The following THSD7A variants were observed in gnomAD, a reference collection of about 807,000 sequenced individuals.
THSD7A encodes thrombospondin type 1 domain containing 7A.
Under a neutral mutation model 231.3 loss-of-function variants are expected in THSD7A, and 96 were observed. The observed-to-expected ratio is 0.41, with a 90% CI of 0.35 to 0.49. The LOEUF is 0.49. Among genes scored for constraint, THSD7A ranks in the 20% least tolerant of loss-of-function variants. The pLI is 0.05. For missense variants in THSD7A, 2,290 were observed against 2,070.2 expected, an observed-to-expected ratio of 1.11 and a Z score of -2.06; for synonymous variants, 940 against 743.3, an observed-to-expected ratio of 1.26 and a Z score of -4.30.
intron 4 of THSD7A, among the ~76,000 whole-genome samples, chr7:11,574,715 C>T (rs908001902): frequency 1.3e-5 from 2 of 152,054 alleles, no homozygotes; most frequent in East Asian, 1.9e-4. Context: ...GGATTACAGG[C>T]GTGAGCCACC....
At chr7:11,658,642 T>C (rs1361402040) in intron 1 of THSD7A, among the ~76,000 whole-genome samples, 2 of 151,708 alleles carry the variant, frequency 1.3e-5, no homozygotes, top group Admixed American at 6.6e-5. Context: ...TAGGGGACTC[T>C]TTACTTATAT....
chr7:11,717,694 C>G (rs1205324048), intron 1 of THSD7A, among the ~76,000 whole-genome samples: 1 of 151,592 alleles, frequency 6.6e-6, no homozygotes, highest in Non-Finnish European at 1.5e-5. Context: ...CTGTTCTACC[C>G]TTCATCCATA....
intron 1 of THSD7A, among the ~76,000 whole-genome samples, chr7:11,792,199 G>A (rs1301421511): frequency 1.3e-5 from 2 of 151,674 alleles, no homozygotes; most frequent in Non-Finnish European, 2.9e-5. Flanking sequence ...TACTGAGGTC[G>A]CTTGCCCTTT....
chr7:11,551,997 GA>G (rs1245072727), intron 4 of THSD7A, among the ~76,000 whole-genome samples: 1 of 152,002 alleles, frequency 6.6e-6, no homozygotes, highest in Non-Finnish European at 1.5e-5. Context: ...AAAAAAGAAA[GA>G]AATCATGTCC....
At chr7:11,738,584 G>C (rs902643082) in intron 1 of THSD7A, among the ~76,000 whole-genome samples, 5 of 151,960 alleles carry the variant, frequency 3.3e-5, no homozygotes, top group African/African-American at 1.2e-4. Context: ...TTGTGCCTCA[G>C]AGTCCTCGCT....
intron 6 of THSD7A, among the ~76,000 whole-genome samples, chr7:11,504,063 T>G (rs975505809): frequency 6.6e-6 from 1 of 152,142 alleles, no homozygotes; most frequent in Non-Finnish European, 1.5e-5. Flanking sequence ...TCAACATAAA[T>G]TCCCATCAAT....
chr7:11,716,318 G>A (rs1423791448), intron 1 of THSD7A, among the ~76,000 whole-genome samples: 1 of 151,416 alleles, frequency 6.6e-6, no homozygotes, highest in Non-Finnish European at 1.5e-5. Flanking sequence ...TTCATATCTG[G>A]TGAGCACATA....
intron 1 of THSD7A, among the ~76,000 whole-genome samples, chr7:11,651,150 G>T (rs1266734093): frequency 6.6e-6 from 1 of 152,012 alleles, no homozygotes; most frequent in East Asian, 1.9e-4. Flanking sequence ...GATGAGCCTG[G>T]AAAGATTATG....
intron 6 of THSD7A, among the ~76,000 whole-genome samples, chr7:11,532,832 G>A (rs1215128202): frequency 6.6e-6 from 1 of 152,142 alleles, no homozygotes; most frequent in Non-Finnish European, 1.5e-5. Context: ...TGCCACAAGA[G>A]CTGTTATAAA....
chr7:11,737,546 G>T (rs117278895), intron 1 of THSD7A, among the ~76,000 whole-genome samples: 1 of 152,092 alleles, frequency 6.6e-6, no homozygotes, highest in African/African-American at 2.4e-5. Context: ...CTGTGCAAAG[G>T]TGCCATTTTA....
chr7:11,604,826 G>A (rs2128346195), intron 2 of THSD7A, among the ~76,000 whole-genome samples: 1 of 152,208 alleles, frequency 6.6e-6, no homozygotes, highest in South Asian at 2.1e-4. Flanking sequence ...GAAATGTTGA[G>A]CAGACAGATG....
At chr7:11,605,213 GA>G (rs1173148631) in intron 2 of THSD7A, among the ~76,000 whole-genome samples, 3 of 151,774 alleles carry the variant, frequency 2.0e-5, no homozygotes, top group Non-Finnish European at 4.4e-5. Context: ...TCTATCTATA[GA>G]TATAGACACA....
intron 4 of THSD7A, among the ~76,000 whole-genome samples, chr7:11,559,855 G>C (rs1309867672): frequency 1.3e-5 from 2 of 152,152 alleles, no homozygotes; most frequent in African/African-American, 4.8e-5. Flanking sequence ...GGGAATTTAA[G>C]TTGTTTTGAT....
rs570675732 is a variant in THSD7A at position 11,549,308 on chromosome 7, C to T, written c.1454-6191G>A. Among the ~76,000 whole-genome samples, 3 of 138,430 alleles carry T rather than the reference C, an allele frequency of 2.2e-5. No homozygotes were observed. The South Asian group carries it at 7.1e-4, about 33-fold the overall frequency. The allele number at this position is 138,430 out of a possible 152,430, so 90.8% of individuals were successfully genotyped here. On this transcript the variant is annotated intron_variant, in intron 4 of 27. Coordinates refer to ENST00000423059, the MANE Select transcript of THSD7A (RefSeq NM_015204.3). ...CACTGTTTGTGTAATGTAAATTACA[C>T]AAATTACATTTCACTGTTTGTGAAA... is the stretch of plus-strand genomic sequence containing the variant.
chr7:11,502,349 G>T (rs1349329446), intron 6 of THSD7A, among the ~76,000 whole-genome samples: 1 of 151,936 alleles, frequency 6.6e-6, no homozygotes, highest in Non-Finnish European at 1.5e-5. Context: ...AAAACTTCAG[G>T]CCAATATCCT....
intron 1 of THSD7A, among the ~76,000 whole-genome samples, chr7:11,785,265 C>A (rs938961421): frequency 2.0e-5 from 3 of 151,792 alleles, no homozygotes; most frequent in Admixed American, 2.0e-4. Flanking sequence ...GCTATATTGC[C>A]CAAGTTGGAG....
Position 11,429,021 on chromosome 7 carries a change from C to G in THSD7A, c.3169G>C (p.Val1057Leu). ...TTTTCACGCAGCCATTTAGAACGAA[C>G]CTTCACACCACTCCCACAGGACTTG... is the stretch of plus-strand genomic sequence containing the variant. ...CSKSCGSGVK[V>L]RSKWLREKPY... The change falls in exon 14 of 28, where the codon GTT becomes CTT. Residue 1057 changes from valine (V) to leucine (L), a missense_variant. Coordinates refer to ENST00000423059, the MANE Select transcript of THSD7A (RefSeq NM_015204.3). The G allele has an allele frequency of 6.2e-7, 1 of 1,613,246 alleles. No homozygotes were observed. Among genetic ancestry groups the G allele is most frequent in the Non-Finnish European group, 8.5e-7 (1 of 1,179,568 alleles).
rs369975897 is a variant in THSD7A at position 11,590,689 on chromosome 7, G to A, written c.1272-48C>T. ...GCAGCAACCATAATTATTGAATGACGTGTTTCTCTACTCCTGTCATACTTT... is the reference window on the plus strand; with the variant it reads ...GCAGCAACCATAATTATTGAATGACATGTTTCTCTACTCCTGTCATACTTT... On this transcript the variant is annotated intron_variant, in intron 3 of 27. Coordinates refer to ENST00000423059, the MANE Select transcript of THSD7A (RefSeq NM_015204.3). The surrounding 1 kb of genome is among the most constrained non-coding windows in gnomAD (Gnocchi z 4.4). 4.2e-5 allele frequency: 65 copies of A among 1,540,946 alleles called. No homozygotes were observed. The African/African-American group carries it at 4.3e-4, about 10-fold the overall frequency.
At chr7:11,633,065 G>A (rs1011132510) in intron 2 of THSD7A, among the ~76,000 whole-genome samples, 45 of 152,168 alleles carry the variant, frequency 3.0e-4, no homozygotes, top group African/African-American at 9.4e-4. Flanking sequence ...AATGTGAATT[G>A]CATTTCTGTT....
Sources: allele counts gnomAD v4.1 joint callset (sites outside exome capture counted in the v4.1 genomes callset), GRCh38; gene constraint gnomAD v4.1.1; non-coding constraint Gnocchi (gnomAD v3.1); transcripts MANE v1.5; gene names NCBI Gene and HGNC (gene_info 2026-07-23, HGNC 2026-07-21).